CCDC116: variants seen among roughly 807,000 people sequenced by gnomAD.
CCDC116 encodes the protein coiled-coil domain containing 116, also known as coiled-coil domain-containing protein 116.
A neutral mutation model predicts 29.4 loss-of-function variants in CCDC116; 24 were observed. The observed-to-expected ratio is 0.82, with a 90% CI of 0.59 to 1.15. CCDC116 has a LOEUF of 1.15. Ranked by LOEUF, CCDC116 falls within the 50% of genes most tolerant of loss-of-function variation. The pLI, the probability that CCDC116 is intolerant of heterozygous loss-of-function variation, is 0.00. For synonymous variants in CCDC116, 298 were observed against 331.4 expected (o/e 0.90, Z 1.10); for missense variants, 791 against 804.0 (o/e 0.98, Z 0.20).
rs144127716 is a variant in CCDC116 at position 21,634,485 on chromosome 22, G to A, written c.536G>A (p.Gly179Asp). The change falls in exon 3 of 5, where the codon GGT becomes GAT. Residue 179 changes from glycine (G) to aspartate (D), a missense_variant. Physicochemically the swap from Gly to Asp is moderately conservative, Grantham distance 94 (BLOSUM62 -1). Transcript: ENST00000292779. ...TCCCACAGCCGGGACAGTGACCTAG[G>A]TGCCCAAGGCTCATTGCCACCTGTG... The part of the protein sequence containing the change: ...LGSHSRDSDL[G>D]AQGSLPPVRD... The A allele has an allele frequency of 4.8e-4, 780 of 1,614,172 alleles. No homozygotes were observed. The highest frequency in any genetic ancestry group is 1.1e-3 in the Admixed American group (64 of 60,024).
rs1010300214 is a variant in CCDC116, at chr22:21,636,326, G to A, written c.1204-106G>A. The A allele has an allele frequency of 6.9e-6, 7 of 1,010,662 alleles. No homozygotes were observed. In the African/African-American group the frequency reaches 9.6e-5, roughly 14 times the overall value. 62.6% of individuals were successfully genotyped at this position (1,010,662 alleles called of 1,614,324 possible). The stretch of plus-strand genomic sequence containing the variant: ...ACCCATTCATGTTTGTGATGGGCAG[G>A]GCTGGCAGGGCTCTGAGGAGGGCAC... On this transcript the variant is annotated intron_variant, in intron 4 of 4. Transcript: ENST00000292779.
At position 21,632,838 on chromosome 22, in the gene CCDC116, TG is replaced by T. The variant is rs1930604158; in HGVS notation, c.-63+12del. ...AAGGCGGTGTTTCTGGTGAGTCTGT[TG>T]ATTCTGGGCTGGGGTGAAAGCCAGG... On this transcript the variant is annotated intron_variant, in intron 1 of 4. Coordinates refer to ENST00000292779, the MANE Select transcript of CCDC116 (RefSeq NM_152612.3). 1 of 457,658 alleles carries T rather than the reference TG, an allele frequency of 2.2e-6. No individual in the cohort carries two copies. Among genetic ancestry groups the T allele is most frequent in the Non-Finnish European group, 4.1e-6 (1 of 241,152 alleles). The allele number at this position is 457,658 out of a possible 1,614,324, so 28.3% of individuals were successfully genotyped here.
At chr22:21,635,973 G>A (rs1009930684) in intron 4 of CCDC116, among the ~76,000 whole-genome samples, 4 of 152,212 alleles carry the variant, frequency 2.6e-5, no homozygotes, top group Non-Finnish European at 5.9e-5. Context: ...CTTTGCTGAG[G>A]GGAAGTTGCC....
rs371513 is a variant in CCDC116, at chr22:21,634,310, G to A, written c.361G>A (p.Gly121Arg). ...VQDPVEVPSG[G>R]RRAHARPSLS... ...GGACCCAGTGGAGGTGCCAAGTGGT[G>A]GACGGCGGGCACATGCCCGGCCCAG... The change falls in exon 3 of 5, where the codon GGA (glycine) becomes AGA (arginine). Residue 121 changes from glycine (G) to arginine (R), a missense_variant. Coordinates refer to ENST00000292779, the MANE Select transcript of CCDC116 (RefSeq NM_152612.3). 0.17 allele frequency: 278,149 copies of A among 1,612,896 alleles called. 25,715 individuals are homozygous for A. The highest frequency in any genetic ancestry group is 0.34 in the Middle Eastern group (2,031 of 6,060).
chr22:21,634,409 T>TC lies in CCDC116; in HGVS notation c.462dup (p.Ser155GlnfsTer8). 1.2e-6 allele frequency: 2 copies of TC among 1,614,146 alleles called. No homozygotes were observed. The highest frequency in any genetic ancestry group is 1.7e-6 in the Non-Finnish European group (2 of 1,180,032). On this transcript the variant is annotated frameshift_variant, in exon 3 of 5. Transcript: ENST00000292779. LOFTEE classifies it high-confidence loss of function. ...ACACCCCAACAACTACCCATCCAGC[T>TC]CCAGCTCCATGTCCAACTGCCATAG...
At chr22:21,633,330 C>G in intron 2 of CCDC116, 77 bp downstream of exon 2, 1 of 1,171,282 alleles carries the variant, frequency 8.5e-7, no homozygotes, top group Non-Finnish European at 1.2e-6. Context: ...AAGACCACAA[C>G]CCCCATTTCT....
intron 2 of CCDC116, among the ~76,000 whole-genome samples, chr22:21,633,505 A>G (rs1930637542): frequency 6.6e-6 from 1 of 152,046 alleles, no homozygotes; most frequent in Non-Finnish European, 1.5e-5. Flanking sequence ...CTAGAGTGGG[A>G]GCATGGAGTT....
In CCDC116 at chr22:21,633,160, C is replaced by CG. The variant is rs1930621688; in HGVS notation, c.-20dup. On this transcript the variant is annotated 5_prime_UTR_variant, in exon 2 of 5. Transcript: ENST00000292779. The stretch of plus-strand genomic sequence containing the variant: ...TGAAGAGAGAGGTGGGCAGCAGGCC[C>CG]GGTCACCTGCCAGGTGACCACATGG... 1 of 1,544,492 alleles carries CG rather than the reference C, an allele frequency of 6.5e-7. No homozygotes were observed. The highest frequency in any genetic ancestry group is 2.4e-5 in the East Asian group (1 of 40,950).
At chr22:21,632,889 G>A in intron 1 of CCDC116, 62 bp downstream of exon 1, 1 of 547,542 alleles carries the variant, frequency 1.8e-6, no homozygotes, top group East Asian at 3.4e-5. Flanking sequence ...GGAGGAGGGC[G>A]GGTCGAGCAC....
rs2066035753 is a variant in CCDC116, at chr22:21,636,880, C to T, written c.1652C>T (p.Pro551Leu). 1.2e-6 allele frequency: 2 copies of T among 1,613,618 alleles called. No homozygotes were observed. Among genetic ancestry groups the T allele is most frequent in the Non-Finnish European group, 8.5e-7 (1 of 1,180,058 alleles). ...TGCCGCTCCCTCTACACCAACTTGC[C>T]AGCCAGCCGGCAGCTCAGCCCTTTG... Reference protein sequence around the residue: ...EPCRSLYTNLPASRQLSPLEP... With the variant: ...EPCRSLYTNLLASRQLSPLEP... Residue 551 changes from proline (P) to leucine (L), a missense_variant, in exon 5 of 5, where the codon CCA becomes CTA. Coordinates refer to ENST00000292779, the MANE Select transcript of CCDC116 (RefSeq NM_152612.3).
rs756982179 is a variant in CCDC116 at position 21,634,072 on chromosome 22, G to A, written c.123G>A (p.Lys41=). 6.2e-7 allele frequency: 1 copy of A among 1,613,778 alleles called. No individual in the cohort carries two copies. Among genetic ancestry groups the A allele is most frequent in the South Asian group, 1.1e-5 (1 of 91,038 alleles). Residue 41 remains lysine (K), a synonymous_variant, in exon 3 of 5, where the codon AAG becomes AAA. Coordinates refer to ENST00000292779, the MANE Select transcript of CCDC116 (RefSeq NM_152612.3). ...TCCCAGAAATGCGGCCAGCCTGCAA[G>A]CCGGGCCGTGTGCCACACCCACCAT... ...PLVPEMRPAC[K]PGRVPHPPST...
intron 1 of CCDC116, 55 bp from the exon 2 acceptor site, chr22:21,633,065 C>A (rs888464791): frequency 1.2e-6 from 1 of 819,172 alleles, no homozygotes; most frequent in African/African-American, 1.7e-5. Context: ...GACTCCAGGG[C>A]CACAGATGCG....
At chr22:21,635,363 T>G in intron 4 of CCDC116, 97 bp downstream of exon 4, 1 of 1,064,310 alleles carries the variant, frequency 9.4e-7, no homozygotes, top group East Asian at 2.6e-5. Flanking sequence ...CCCACCTGTT[T>G]CCCTGAGCTC....
Position 21,635,190 on chromosome 22 carries a change from T to A in CCDC116, c.1127T>A (p.Leu376His), listed in dbSNP as rs575993573. The A allele has an allele frequency of 2.0e-5, 32 of 1,600,438 alleles. 1 individual carries two copies. In the South Asian group the frequency reaches 3.3e-4, roughly 16 times the overall value. Residue 376 changes from leucine to histidine, a missense_variant, in exon 4 of 5, where the codon CTT (leucine) becomes CAT (histidine). Leu to His is a moderately conservative substitution (Grantham distance 99). Transcript: ENST00000292779. Reference protein sequence around the residue: ...PRPTVSSPKMLQRKRKDRGGS... With the variant: ...PRPTVSSPKMHQRKRKDRGGS... ...CCCACAGTCTCCAGCCCCAAGATGC[T>A]TCAGAGAAAACGCAAGGACAGAGGA...
In CCDC116 at chr22:21,635,051, C is replaced by T. The variant is rs775614334; in HGVS notation, c.988C>T (p.Arg330Cys). Reference protein sequence around the residue: ...AVDKLRGAHCRDGRPLFPTSL... With the variant: ...AVDKLRGAHCCDGRPLFPTSL... ...GGATAAGCTCCGTGGCGCCCACTGC[C>T]GCGACGGCCGTCCTCTGTTCCCCAC... The change falls in exon 4 of 5, where the codon CGC (arginine) becomes TGC (cysteine). Residue 330 changes from arginine (R) to cysteine (C), a missense_variant. Arg to Cys is a radical substitution (Grantham distance 180). Coordinates refer to ENST00000292779, the MANE Select transcript of CCDC116 (RefSeq NM_152612.3). 1.6e-5 allele frequency: 26 copies of T among 1,609,504 alleles called. No homozygotes were observed. In the South Asian group the frequency reaches 1.6e-4, roughly 10 times the overall value.
In CCDC116 at chr22:21,636,514, A is replaced by G. The variant is rs747534086; in HGVS notation, c.1286A>G (p.Asn429Ser). 8 of 1,613,616 alleles carry G rather than the reference A, an allele frequency of 5.0e-6. No individual in the cohort carries two copies. The African/African-American group carries it at 9.4e-5, about 19-fold the overall frequency. ...SSKSSMSHFS[N>S]RLYEELADFL... ...AAGTCCAGCATGTCTCACTTCTCCA[A>G]CCGCCTTTATGAGGAGCTCGCCGAC... Residue 429 changes from asparagine to serine, a missense_variant, in exon 5 of 5, where the codon AAC becomes AGC. Asn to Ser is a conservative substitution (Grantham distance 46). Coordinates refer to ENST00000292779, the MANE Select transcript of CCDC116 (RefSeq NM_152612.3).
At chr22:21,633,950 T>C in intron 2 of CCDC116, 72 bp from the exon 3 acceptor site, 1 of 1,441,880 alleles carries the variant, frequency 6.9e-7, no homozygotes, top group Non-Finnish European at 9.4e-7. Flanking sequence ...CCCACCCAGG[T>C]CCTAGTGTTA....
At chr22:21,635,671 A>T (rs1930771573) in intron 4 of CCDC116, 5 of 645,402 alleles carry the variant, frequency 7.7e-6, no homozygotes, top group Non-Finnish European at 1.4e-5. Context: ...CAGGTGCTCA[A>T]GGTCAAGGTC....
chr22:21,637,128 G>A lies in CCDC116; in HGVS notation c.*58G>A, dbSNP rs766839776. On this transcript the variant is annotated 3_prime_UTR_variant, in exon 5 of 5. Transcript: ENST00000292779. The stretch of plus-strand genomic sequence containing the variant: ...CAGCCACTCCGTGGACGTGGGCCAC[G>A]GTGACCCACCATGAAGTCCCCACTA... The A allele has an allele frequency of 2.8e-5, 42 of 1,501,328 alleles. No homozygotes were observed. Among genetic ancestry groups the A allele is most frequent in the Non-Finnish European group, 3.4e-5 (38 of 1,124,438 alleles). The allele number at this position is 1,501,328 out of a possible 1,614,324, so 93.0% of individuals were successfully genotyped here. A position where few individuals can be genotyped will look rare whatever the true frequency, so the allele number is the denominator to read the frequency against.
Sources: allele counts gnomAD v4.1 joint callset (sites outside exome capture counted in the v4.1 genomes callset), GRCh38; gene constraint gnomAD v4.1.1; transcripts MANE v1.5; gene names NCBI Gene and HGNC (gene_info 2026-07-23, HGNC 2026-07-21).